Variants in MCTP2 observed in about 807,000 individuals in gnomAD.
MCTP2 encodes multiple C2 and transmembrane domain containing 2, also known as multiple C2 and transmembrane domain-containing protein 2.
A neutral mutation model predicts 111.6 loss-of-function variants in MCTP2; 132 were observed. The observed-to-expected ratio is 1.18, with a 90% CI of 1.03 to 1.37. The LOEUF (loss-of-function observed/expected upper bound fraction) is 1.37. Ranked by LOEUF, MCTP2 falls within the 40% of genes most tolerant of loss-of-function variation. The pLI, the probability that MCTP2 is intolerant of heterozygous loss-of-function variation, is 0.00. For missense variants in MCTP2, 1,183 were observed against 1,067.9 expected, an observed-to-expected ratio of 1.11 and a Z score of -1.50; for synonymous variants, 395 against 387.7, an observed-to-expected ratio of 1.02 and a Z score of -0.22.
chr15:94,301,953 G>T (rs1179215252), intron 2 of MCTP2, among the ~76,000 whole-genome samples: 1 of 151,942 alleles, frequency 6.6e-6, no homozygotes, highest in African/African-American at 2.4e-5. Context: ...TTAATAGCTG[G>T]TGGCTTTCTA....
chr15:94,462,488 T>C (rs1179305672), intron 20 of MCTP2, among the ~76,000 whole-genome samples: 2 of 152,236 alleles, frequency 1.3e-5, no homozygotes, highest in Non-Finnish European at 2.9e-5. Flanking sequence ...CTCCTTCAAC[T>C]TCGGATTTTC....
chr15:94,334,416 C>A (rs1165981359), intron 4 of MCTP2, among the ~76,000 whole-genome samples: 1 of 152,208 alleles, frequency 6.6e-6, no homozygotes, highest in Non-Finnish European at 1.5e-5. Context: ...ATTAATCTTA[C>A]CTTCCAAAGG....
intron 4 of MCTP2, among the ~76,000 whole-genome samples, chr15:94,336,844 C>A (rs529545753): frequency 1.3e-5 from 2 of 151,898 alleles, no homozygotes; most frequent in African/African-American, 2.4e-5. Flanking sequence ...TGATAGTCTA[C>A]GTCTGAGGCT....
At chr15:94,417,768 A>G (rs139135613) in intron 17 of MCTP2, among the ~76,000 whole-genome samples, 3 of 152,224 alleles carry the variant, frequency 2.0e-5, no homozygotes, top group African/African-American at 4.8e-5. Context: ...GAGTAACGGG[A>G]GACCATCCAA....
intron 1 of MCTP2, among the ~76,000 whole-genome samples, chr15:94,240,436 T>C (rs1001768313): frequency 2.0e-5 from 3 of 152,176 alleles, no homozygotes; most frequent in Non-Finnish European, 4.4e-5. Context: ...CCAGGGAAAT[T>C]ATTTCACCCC....
At chr15:94,388,322 C>T (rs923127116) in intron 14 of MCTP2, among the ~76,000 whole-genome samples, 6 of 152,184 alleles carry the variant, frequency 3.9e-5, no homozygotes, top group African/African-American at 1.4e-4. Flanking sequence ...TCGGCTGCTG[C>T]TGTTCACTCT....
chr15:94,327,611 A>C (rs1192556739), intron 4 of MCTP2, among the ~76,000 whole-genome samples: 4 of 152,242 alleles, frequency 2.6e-5, no homozygotes, highest in Admixed American at 2.6e-4. Flanking sequence ...TTCAAGAGCA[A>C]ATGTGAACCT....
intron 1 of MCTP2, among the ~76,000 whole-genome samples, chr15:94,258,409 CA>C (rs1397668970): frequency 6.6e-6 from 1 of 152,030 alleles, no homozygotes; most frequent in Non-Finnish European, 1.5e-5. Flanking sequence ...CACCTGGGTC[CA>C]CAAAAAAGCA....
At chr15:94,276,033 A>AC (rs2074182326) in intron 1 of MCTP2, among the ~76,000 whole-genome samples, 1 of 151,922 alleles carries the variant, frequency 6.6e-6, no homozygotes, top group Non-Finnish European at 1.5e-5. Flanking sequence ...TTTAGTAGAG[A>AC]TGGGATTTCA....
Position 94,244,134 on chromosome 15 carries a change from AC to A in MCTP2, c.-66+12471del, listed in dbSNP as rs1480352195. ...TATATGTTTATATACACATGTATAC[AC>A]ATGCATATGTGTATATGTTTATATA... On this transcript the variant is annotated intron_variant, in intron 1 of 22. Transcript: ENST00000357742. Among the ~76,000 whole-genome samples the A allele has an allele frequency of 6.2e-5, 9 of 145,520 alleles. 1 individual carries two copies. The highest frequency in any genetic ancestry group is 2.3e-4 in the African/African-American group (9 of 38,382).
intron 20 of MCTP2, among the ~76,000 whole-genome samples, chr15:94,466,912 A>ATAGAC (rs1329558261): frequency 1.3e-5 from 2 of 149,832 alleles, no homozygotes; most frequent in Non-Finnish European, 2.9e-5. Flanking sequence ...TTAAAAAGTA[A>ATAGAC]TTTGATTTAT....
intron 8 of MCTP2, among the ~76,000 whole-genome samples, chr15:94,345,907 T>G (rs2152411368): frequency 6.6e-6 from 1 of 152,196 alleles, no homozygotes; most frequent in East Asian, 1.9e-4. Context: ...GACTGTTCCT[T>G]CAGTTTCTGA....
intron 9 of MCTP2, among the ~76,000 whole-genome samples, chr15:94,357,558 TG>T (rs71135509): frequency 0.15 from 23,107 of 149,806 alleles, 1,941 homozygotes; most frequent in African/African-American, 0.16. Context: ...TTTTTTTTTT[TG>T]TTTTTGTTTT....
chr15:94,352,580 A>C (rs1167962375), intron 8 of MCTP2, among the ~76,000 whole-genome samples: 2 of 152,186 alleles, frequency 1.3e-5, no homozygotes, highest in Non-Finnish European at 2.9e-5. Flanking sequence ...GAAACTTTTC[A>C]CTATCTCTTG....
At chr15:94,326,759 C>T (rs1001841050) in intron 4 of MCTP2, among the ~76,000 whole-genome samples, 2 of 147,250 alleles carry the variant, frequency 1.4e-5, no homozygotes, top group African/African-American at 2.5e-5. Context: ...GTAGAGATGG[C>T]GTTTCACCCT....
In MCTP2 at chr15:94,411,061, A is replaced by G. The variant is rs545562712; in HGVS notation, c.2085+9042A>G. ...CAGCCCCTGAATCTGAGAAGATTCT[A>G]TTTTTGATATTTTCAGAACTGAATG... On this transcript the variant is annotated intron_variant, in intron 17 of 22. Transcript: ENST00000357742. Among the ~76,000 whole-genome samples, 10 of 152,284 alleles carry G rather than the reference A, an allele frequency of 6.6e-5. No homozygotes were observed. In the South Asian group the frequency reaches 1.7e-3, roughly 25 times the overall value.
chr15:94,419,884 TA>T (rs201840175), intron 17 of MCTP2, among the ~76,000 whole-genome samples: 3,509 of 152,132 alleles, frequency 0.023, 135 homozygotes, highest in African/African-American at 0.08. Context: ...GTGGCTACAC[TA>T]AACAACAGAT....
At chr15:94,235,852 T>G (rs2070501458) in intron 1 of MCTP2, among the ~76,000 whole-genome samples, 1 of 152,240 alleles carries the variant, frequency 6.6e-6, no homozygotes, top group Non-Finnish European at 1.5e-5. Flanking sequence ...GCCACTGTTA[T>G]GTGTTGGCAT....
chr15:94,262,613 A>G (rs2073250691), intron 1 of MCTP2, among the ~76,000 whole-genome samples: 1 of 152,056 alleles, frequency 6.6e-6, no homozygotes, highest in South Asian at 2.1e-4. Flanking sequence ...AAATAAATAT[A>G]TAGGGAGTTG....
Sources: gnomAD v4.1 joint callset for allele counts (sites outside exome capture counted in the v4.1 genomes callset) on GRCh38, gnomAD v4.1.1 for gene constraint, MANE v1.5 for transcripts, NCBI Gene and HGNC (gene_info 2026-07-23, HGNC 2026-07-21) for gene names.